MTUS2: variants seen among roughly 807,000 people sequenced by gnomAD.
MTUS2 encodes microtubule associated scaffold protein 2.
In MTUS2, 40 loss-of-function variants were observed where a neutral mutation model predicts 114.1. The observed-to-expected ratio is 0.35, with a 90% CI of 0.27 to 0.46. The LOEUF (loss-of-function observed/expected upper bound fraction) is 0.46. Ranked by LOEUF, MTUS2 falls within the 20% of genes least tolerant of loss-of-function variation. The pLI is 1.00. For synonymous variants in MTUS2, 688 were observed against 672.0 expected (o/e 1.02, Z -0.37); for missense variants, 1,679 against 1,705.4 (o/e 0.98, Z 0.27).
chr13:29,389,745 A>G (rs1383084640), intron 8 of MTUS2, among the ~76,000 whole-genome samples: 9 of 49,822 alleles, frequency 1.8e-4, no homozygotes, highest in Admixed American at 1.2e-3. Context: ...ATATGTATAT[A>G]CATACATATG....
intron 9 of MTUS2, among the ~76,000 whole-genome samples, chr13:29,479,586 G>T (rs1339587425): frequency 6.6e-6 from 1 of 152,204 alleles, no homozygotes; most frequent in African/African-American, 2.4e-5. Flanking sequence ...CCCCACACCT[G>T]CTCTGAGATC....
Position 29,197,619 on chromosome 13 carries a change from T to C in MTUS2, c.2645-84085T>C, listed in dbSNP as rs374392657. ...GTCAAATGGTATTTCTGGTTCTGAA[T>C]CCTTGAGGAATCACCACACTGTTCC... On this transcript the variant is annotated intron_variant, in intron 5 of 15. Coordinates refer to ENST00000612955, the MANE Select transcript of MTUS2 (RefSeq NM_001033602.4). Among the ~76,000 whole-genome samples the C allele has an allele frequency of 2.6e-4, 39 of 152,340 alleles. 1 individual carries two copies. Among genetic ancestry groups the C allele is most frequent in the African/African-American group, 9.4e-4 (39 of 41,574 alleles).
intron 2 of MTUS2, among the ~76,000 whole-genome samples, chr13:28,864,734 G>A (rs1877193348): frequency 6.6e-6 from 1 of 152,140 alleles, no homozygotes; most frequent in African/African-American, 2.4e-5. Context: ...GTTCTGTTGG[G>A]CATTTTCACT....
At chr13:29,018,952 T>A (rs902703478) in intron 2 of MTUS2, among the ~76,000 whole-genome samples, 2 of 152,146 alleles carry the variant, frequency 1.3e-5, no homozygotes, top group East Asian at 1.9e-4. Flanking sequence ...CTAGCAACCC[T>A]GATGCTGAGC....
chr13:29,029,508 G>A (rs1447523950), intron 3 of MTUS2, among the ~76,000 whole-genome samples: 4 of 152,208 alleles, frequency 2.6e-5, no homozygotes, highest in Non-Finnish European at 4.4e-5. Flanking sequence ...AGGCTCTGAA[G>A]CTTTGCTCTT....
At chr13:29,175,834 G>A (rs1485541030) in intron 5 of MTUS2, among the ~76,000 whole-genome samples, 1 of 151,654 alleles carries the variant, frequency 6.6e-6, no homozygotes, top group Non-Finnish European at 1.5e-5. Flanking sequence ...TGGCTGCTGA[G>A]CATTTATTTA....
At chr13:28,887,741 G>A (rs1356755793) in intron 2 of MTUS2, among the ~76,000 whole-genome samples, 2 of 152,150 alleles carry the variant, frequency 1.3e-5, no homozygotes, top group African/African-American at 2.4e-5. Context: ...GGTCCCTTGA[G>A]GTCTGCTTTA....
rs534223852 is a variant in MTUS2 at position 29,211,636 on chromosome 13, T to C, written c.2645-70068T>C. On this transcript the variant is annotated intron_variant, in intron 5 of 15. Transcript: ENST00000612955. ...TGCCCACGGAACTCTTCCCACTGCT[T>C]CCCCTACCCCTATATTTTGCTCAGC... is the stretch of plus-strand genomic sequence containing the variant. 4.1e-3 allele frequency among the ~76,000 whole-genome samples: 630 copies of C among 152,222 alleles called. 1 individual carries two copies. Among genetic ancestry groups the C allele is most frequent in the African/African-American group, 0.015 (604 of 41,506 alleles).
intron 5 of MTUS2, among the ~76,000 whole-genome samples, chr13:29,156,952 A>G (rs745544156): frequency 2.0e-5 from 3 of 152,180 alleles, no homozygotes; most frequent in Non-Finnish European, 4.4e-5. Context: ...TGTGAATAAT[A>G]TATAGTATTG....
chr13:28,865,186 C>T (rs1877223588), intron 2 of MTUS2, among the ~76,000 whole-genome samples: 1 of 152,034 alleles, frequency 6.6e-6, no homozygotes, highest in African/African-American at 2.4e-5. Context: ...ATGTATGGCT[C>T]CTACGACCCT....
chr13:28,875,083 A>G (rs1290405647), intron 2 of MTUS2, among the ~76,000 whole-genome samples: 8 of 152,346 alleles, frequency 5.3e-5, no homozygotes, highest in Middle Eastern at 6.8e-3. Flanking sequence ...TACATAATGG[A>G]TGTTCAGTAA....
intron 6 of MTUS2, among the ~76,000 whole-genome samples, 200 bp downstream of exon 6, chr13:29,282,065 C>T (rs1898296057): frequency 6.6e-6 from 1 of 152,250 alleles, no homozygotes; most frequent in Non-Finnish European, 1.5e-5. Flanking sequence ...CTCACTCTTC[C>T]CATGACTGGT....
intron 2 of MTUS2, among the ~76,000 whole-genome samples, chr13:28,965,921 A>G (rs964459183): frequency 6.6e-6 from 1 of 152,236 alleles, no homozygotes; most frequent in African/African-American, 2.4e-5. Flanking sequence ...ATACCTTTAC[A>G]GCAACATCTA....
In MTUS2 at chr13:28,838,955, G is replaced by C. The variant is rs1425992612; in HGVS notation, c.-315-823G>C. On this transcript the variant is annotated intron_variant, in intron 1 of 15. Transcript: ENST00000612955. ...AATGATGTATGTTGAGCAATAGGTA[G>C]TTTAGAAAATGTAATTGTTTCATAA... Among the ~76,000 whole-genome samples, 2 of 151,904 alleles carry C rather than the reference G, an allele frequency of 1.3e-5. 1 individual carries two copies. The highest frequency in any genetic ancestry group is 4.8e-5 in the African/African-American group (2 of 41,364).
At chr13:29,202,355 C>G (rs1475399702) in intron 5 of MTUS2, among the ~76,000 whole-genome samples, 2 of 152,152 alleles carry the variant, frequency 1.3e-5, no homozygotes, top group East Asian at 3.9e-4. Flanking sequence ...TCAGCTCCAT[C>G]AGATCATTTG....
intron 5 of MTUS2, among the ~76,000 whole-genome samples, chr13:29,153,075 C>G (rs989433447): frequency 1.3e-5 from 2 of 152,290 alleles, no homozygotes; most frequent in African/African-American, 2.4e-5. Flanking sequence ...TTAACATGCA[C>G]AAAATGTGAG....
chr13:29,148,200 CTTTT>C (rs551708762), intron 5 of MTUS2, among the ~76,000 whole-genome samples: 1 of 138,594 alleles, frequency 7.2e-6, no homozygotes, highest in Non-Finnish European at 1.6e-5. Context: ...TGATGTTGAG[CTTTT>C]TTTTTTTTTC....
chr13:29,298,588 T>C (rs1899051154), intron 6 of MTUS2, among the ~76,000 whole-genome samples: 1 of 152,046 alleles, frequency 6.6e-6, no homozygotes, highest in South Asian at 2.1e-4. Flanking sequence ...ATTTTCTCTT[T>C]CTGTGCACAT....
chr13:29,230,152 A>G (rs1896269131), intron 5 of MTUS2, among the ~76,000 whole-genome samples: 1 of 152,230 alleles, frequency 6.6e-6, no homozygotes, highest in African/African-American at 2.4e-5. Flanking sequence ...AGGCTGAGGC[A>G]GGAGAATGGA....
Sources: allele counts gnomAD v4.1 joint callset (sites outside exome capture counted in the v4.1 genomes callset), GRCh38; gene constraint gnomAD v4.1.1; transcripts MANE v1.5; gene names NCBI Gene and HGNC (gene_info 2026-07-23, HGNC 2026-07-21).